AKAP7: variants seen among roughly 807,000 people sequenced by gnomAD.
AKAP7 encodes A kinase (PRKA) anchor protein 7.
A neutral mutation model predicts 39.5 loss-of-function variants in AKAP7; 39 were observed. The ratio of observed to expected loss-of-function variants is 0.99; its 90% CI spans 0.76 to 1.29. The LOEUF (loss-of-function observed/expected upper bound fraction) is 1.29, where lower values mean the gene tolerates loss of function less well. AKAP7 is among the 50% of genes most tolerant of loss of function. The pLI is 0.00. For missense variants in AKAP7, 414 were observed against 407.7 expected (o/e 1.02, Z -0.13); for synonymous variants, 140 against 139.1 (o/e 1.01, Z -0.05).
At chr6:131,217,611 T>C (rs1257873046) in intron 6 of AKAP7, among the ~76,000 whole-genome samples, 1 of 152,206 alleles carries the variant, frequency 6.6e-6, no homozygotes, top group Non-Finnish European at 1.5e-5. Flanking sequence ...TTTCACTTGC[T>C]AGTAAAAATT....
intron 7 of AKAP7, among the ~76,000 whole-genome samples, chr6:131,266,360 T>C (rs1159494027): frequency 3.9e-5 from 6 of 152,156 alleles, no homozygotes; most frequent in Non-Finnish European, 7.4e-5. Flanking sequence ...CATGTGAAGA[T>C]CAAGAGCTTG....
chr6:131,217,855 A>T (rs1168671547), intron 6 of AKAP7, among the ~76,000 whole-genome samples: 21 of 152,092 alleles, frequency 1.4e-4, no homozygotes, highest in Admixed American at 1.1e-3. Flanking sequence ...CTGCTGTGTT[A>T]TTGCCAGTCT....
At chr6:131,191,774 G>A (rs1429855856) in intron 5 of AKAP7, among the ~76,000 whole-genome samples, 2 of 151,914 alleles carry the variant, frequency 1.3e-5, no homozygotes, top group African/African-American at 2.4e-5. Flanking sequence ...GGCTCCACCA[G>A]CACTTTGGAC....
intron 5 of AKAP7, among the ~76,000 whole-genome samples, chr6:131,174,353 A>G (rs1029912624): frequency 5.3e-5 from 8 of 152,228 alleles, no homozygotes; most frequent in African/African-American, 1.4e-4. Flanking sequence ...TATAGCCTCT[A>G]TTTACATAGT....
chr6:131,127,142 T>A, the AKAP7 span, among the ~76,000 whole-genome samples: 1 of 152,126 alleles, frequency 6.6e-6, no homozygotes, highest in Admixed American at 6.5e-5. Flanking sequence ...GCCTCCTGGA[T>A]GCAAGCGATT....
chr6:131,133,558 C>T (rs1478752815), upstream of AKAP7, among the ~76,000 whole-genome samples: 2 of 152,168 alleles, frequency 1.3e-5, no homozygotes, highest in Non-Finnish European at 2.9e-5. Context: ...ATTCATAATA[C>T]TGGTGGTGAA....
At chr6:131,185,206 G>T in intron 5 of AKAP7, 1 of 480,660 alleles carries the variant, frequency 2.1e-6, no homozygotes, top group East Asian at 4.7e-5. Flanking sequence ...TTAATAGGTG[G>T]GAAGAAAAAT....
intron 7 of AKAP7, among the ~76,000 whole-genome samples, chr6:131,264,067 A>AT (rs1393773823): frequency 6.6e-6 from 1 of 152,028 alleles, no homozygotes; most frequent in Admixed American, 6.6e-5. Context: ...CTTTTGCTCT[A>AT]TTTTTTATGC....
chr6:131,214,614 T>C (rs905838776), intron 6 of AKAP7, among the ~76,000 whole-genome samples: 3 of 152,220 alleles, frequency 2.0e-5, no homozygotes, highest in Non-Finnish European at 4.4e-5. Context: ...TTTTTCTATG[T>C]ATAAGTAGCA....
intron 2 of AKAP7, among the ~76,000 whole-genome samples, chr6:131,154,275 T>A (rs1802214216): frequency 6.6e-6 from 1 of 152,176 alleles, no homozygotes; most frequent in Non-Finnish European, 1.5e-5. Context: ...GGTTGATGCT[T>A]GCAATTTGGG....
chr6:131,152,031 A>T (rs1428619372), intron 2 of AKAP7, among the ~76,000 whole-genome samples: 1 of 152,264 alleles, frequency 6.6e-6, no homozygotes, highest in Non-Finnish European at 1.5e-5. Context: ...ATAAAATTAC[A>T]CGTGGTGCTT....
chr6:131,176,678 T>A (rs1804616087), intron 5 of AKAP7, among the ~76,000 whole-genome samples: 1 of 152,214 alleles, frequency 6.6e-6, no homozygotes. Flanking sequence ...TCTTTCATTT[T>A]GACTGTCATT....
At chr6:131,179,338 T>C (rs978475007) in intron 5 of AKAP7, among the ~76,000 whole-genome samples, 37 of 152,104 alleles carry the variant, frequency 2.4e-4, no homozygotes, top group Admixed American at 2.4e-3. Context: ...CACACCCAGC[T>C]AAGTTTTGTG....
intron 7 of AKAP7, among the ~76,000 whole-genome samples, chr6:131,258,090 GACTT>G (rs1198417127): frequency 6.6e-6 from 1 of 152,122 alleles, no homozygotes; most frequent in Non-Finnish European, 1.5e-5. Context: ...AGAGTTCTCT[GACTT>G]ACTATTCATG....
intron 5 of AKAP7, among the ~76,000 whole-genome samples, chr6:131,193,075 C>A (rs1029437575): frequency 6.6e-6 from 1 of 151,926 alleles, no homozygotes; most frequent in African/African-American, 2.4e-5. Context: ...CCCTTTATTT[C>A]TTCTGTTGTC....
chr6:131,128,125 T>C, the AKAP7 span, among the ~76,000 whole-genome samples: 1 of 152,164 alleles, frequency 6.6e-6, no homozygotes, highest in Non-Finnish European at 1.5e-5. Flanking sequence ...GACATGCGTT[T>C]ACCTATATAA....
At chr6:131,211,599 A>G (rs1808647269) in intron 6 of AKAP7, among the ~76,000 whole-genome samples, 1 of 149,872 alleles carries the variant, frequency 6.7e-6, no homozygotes, top group African/African-American at 2.5e-5. Context: ...CCCCATCTCT[A>G]CTAAAAAAAA....
intron 7 of AKAP7, among the ~76,000 whole-genome samples, chr6:131,266,890 T>C (rs971143961): frequency 1.3e-5 from 2 of 152,164 alleles, no homozygotes; most frequent in Non-Finnish European, 2.9e-5. Flanking sequence ...ATAAACTTGG[T>C]TGACAGATTG....
At chr6:131,261,364 C>T (rs1187799418) in intron 7 of AKAP7, among the ~76,000 whole-genome samples, 3 of 152,136 alleles carry the variant, frequency 2.0e-5, no homozygotes, top group Admixed American at 6.6e-5. Context: ...ATGGTAACAG[C>T]TGGCAGTTGG....
Sources: allele counts gnomAD v4.1 joint callset (sites outside exome capture counted in the v4.1 genomes callset), GRCh38; gene constraint gnomAD v4.1.1; transcripts MANE v1.5; gene names NCBI Gene and HGNC (gene_info 2026-07-23, HGNC 2026-07-21).